The following ZNF454 variants were observed in gnomAD, a reference collection of about 807,000 sequenced individuals.
ZNF454 encodes zinc finger protein 454.
ZNF454 carries 30 observed loss-of-function variants against 48.2 expected under a neutral mutation model. The ratio of observed to expected loss-of-function variants is 0.62; its 90% CI spans 0.47 to 0.84. ZNF454 has a LOEUF of 0.84. Ranked by LOEUF, ZNF454 falls within the 40% of genes least tolerant of loss-of-function variation. The probability of loss-of-function intolerance (pLI) is 0.00; values close to 1 mark genes in which losing one functional copy is unlikely to be tolerated. For synonymous variants in ZNF454, 204 were observed against 211.4 expected, an observed-to-expected ratio of 0.97 and a Z score of 0.30; for missense variants, 510 against 623.1, an observed-to-expected ratio of 0.82 and a Z score of 1.93.
At chr5:178,982,871 C>T in the ZNF454 span, 45 of 1,431,266 alleles carry the variant, frequency 3.1e-5, no homozygotes, top group East Asian at 1.0e-3. Flanking sequence ...GCCTGACAGG[C>T]AGGAAACAGG....
the ZNF454 span, among the ~76,000 whole-genome samples, chr5:178,987,885 G>A: frequency 2.7e-4 from 40 of 147,900 alleles, no homozygotes; most frequent in Admixed American, 5.4e-4. Flanking sequence ...TCAGACTCCC[G>A]AGTAGCTGGG....
At chr5:178,958,564 C>T (rs1021584800) in intron 4 of ZNF454, among the ~76,000 whole-genome samples, 1 of 152,172 alleles carries the variant, frequency 6.6e-6, no homozygotes, top group East Asian at 1.9e-4. Context: ...TCTTCTGCAA[C>T]TTTTAGAAAA....
At chr5:178,969,433 G>A (rs537559205), downstream of ZNF454, 5 of 456,434 alleles carry the variant, frequency 1.1e-5, no homozygotes, top group African/African-American at 4.0e-5. Context: ...TTCCTAGAAA[G>A]AGCAGTTCAT....
intron 1 of ZNF454, among the ~76,000 whole-genome samples, chr5:178,942,179 C>T (rs1033668239): frequency 6.6e-6 from 1 of 152,178 alleles, no homozygotes; most frequent in African/African-American, 2.4e-5. Flanking sequence ...CGAGGCGAGC[C>T]GATCACCTGA....
intron 4 of ZNF454, among the ~76,000 whole-genome samples, chr5:178,953,117 C>T (rs1038216596): frequency 7.0e-6 from 1 of 143,816 alleles, no homozygotes; most frequent in Admixed American, 7.3e-5. Flanking sequence ...GTGTTGCTAC[C>T]TCTTGACTTT....
At position 178,959,698 on chromosome 5, in the gene ZNF454, T is replaced by C. The variant is rs188774669; in HGVS notation, c.251-4957T>C. On this transcript the variant is annotated intron_variant, in intron 4 of 4. Coordinates refer to ENST00000519564, the MANE Select transcript of ZNF454 (RefSeq NM_001178089.3). ...TCAGCTCACTGCAAGCTCCACCTCC[T>C]GGGTTCACGCCATTCTGCTGCCTCA... is the stretch of plus-strand genomic sequence containing the variant. Among the ~76,000 whole-genome samples the C allele has an allele frequency of 0.01, 1,579 of 151,936 alleles. 47 individuals are homozygous for C. In the East Asian group the frequency reaches 0.1, roughly 10 times the overall value.
intron 4 of ZNF454, among the ~76,000 whole-genome samples, chr5:178,955,985 G>A (rs1486460311): frequency 2.0e-5 from 3 of 152,094 alleles, no homozygotes; most frequent in East Asian, 3.9e-4. Flanking sequence ...GGACTAAACT[G>A]GGGCATCTGT....
intron 4 of ZNF454, among the ~76,000 whole-genome samples, chr5:178,963,352 G>A (rs1173895493): frequency 6.6e-6 from 1 of 151,752 alleles, no homozygotes; most frequent in Non-Finnish European, 1.5e-5. Context: ...ACCATTCTTT[G>A]TTTTGAACAA....
intron 2 of ZNF454, among the ~76,000 whole-genome samples, chr5:178,943,378 C>G (rs866183253): frequency 1.6e-4 from 25 of 152,228 alleles, no homozygotes; most frequent in African/African-American, 6.0e-4. Flanking sequence ...CTGGATCTCA[C>G]GTGAACCAAC....
Position 178,964,985 on chromosome 5 carries a change from A to G in ZNF454, c.581A>G (p.Asn194Ser). ...GKVFSKSSTL[N>S]KHQKIHNEKN... ...GTCTTCTCTAAGAGTTCAACTCTTA[A>G]TAAACATCAGAAAATTCATAATGAA... The change falls in exon 5 of 5, where the codon AAT becomes AGT. Residue 194 changes from asparagine (N) to serine (S), a missense_variant. Around this residue, in one of 3 missense-constraint regions of ZNF454, gnomAD observed 354 missense variants for 408.9 expected, o/e 0.87. Coordinates refer to ENST00000519564, the MANE Select transcript of ZNF454 (RefSeq NM_001178089.3). The G allele has an allele frequency of 6.2e-7, 1 of 1,614,146 alleles. No individual in the cohort carries two copies. Among genetic ancestry groups the G allele is most frequent in the Non-Finnish European group, 8.5e-7 (1 of 1,180,006 alleles).
intron 4 of ZNF454, among the ~76,000 whole-genome samples, chr5:178,957,599 C>T (rs189607466): frequency 2.0e-5 from 3 of 151,908 alleles, no homozygotes; most frequent in Admixed American, 1.3e-4. Flanking sequence ...TTAGTAGAGA[C>T]GGGGTTTCAC....
chr5:178,961,849 T>C (rs568956391), intron 4 of ZNF454, among the ~76,000 whole-genome samples: 3 of 151,580 alleles, frequency 2.0e-5, no homozygotes, highest in Non-Finnish European at 4.4e-5. Context: ...AGCATTTTCT[T>C]CCTTCTACCT....
chr5:178,965,786 T>C lies in ZNF454; in HGVS notation c.1382T>C (p.Ile461Thr). The C allele has an allele frequency of 6.2e-7, 1 of 1,614,120 alleles. No individual in the cohort carries two copies. Among genetic ancestry groups the C allele is most frequent in the Non-Finnish European group, 8.5e-7 (1 of 1,180,024 alleles). The change falls in exon 5 of 5, where the codon ATT becomes ACT. Residue 461 changes from isoleucine to threonine, a missense_variant. Physicochemically the swap from Ile to Thr is moderately conservative, Grantham distance 89 (BLOSUM62 -1). This residue lies in a region of ZNF454 where 153 missense variants were observed against 195.8 expected (regional missense o/e 0.78). Transcript: ENST00000519564. The surrounding 1 kb of genome is among the most constrained non-coding windows in gnomAD (Gnocchi z 5.2). ...TCAGCCCTTACCCAACATAAGAGAA[T>C]TCATACTAGGGAAAAACCTTACAAA... Reference protein sequence around the residue: ...DHSALTQHKRIHTREKPYKCK... With the variant: ...DHSALTQHKRTHTREKPYKCK...
the ZNF454 span, chr5:178,985,520 G>C: frequency 8.9e-6 from 3 of 337,154 alleles, no homozygotes; most frequent in South Asian, 2.3e-5. Context: ...TGGCTAACAC[G>C]GTGAAGCCCT....
Position 178,944,016 on chromosome 5 carries a change from G to A in ZNF454, c.33+1192G>A, listed in dbSNP as rs1759218947. 6.6e-6 allele frequency among the ~76,000 whole-genome samples: 1 copy of A among 152,186 alleles called. No individual in the cohort carries two copies. On this transcript the variant is annotated intron_variant, in intron 2 of 4. Coordinates refer to ENST00000519564, the MANE Select transcript of ZNF454 (RefSeq NM_001178089.3). This position sits in a 1 kb window ranked among gnomAD's most constrained non-coding sequence, Gnocchi z 4.1. ...CACTCCAGCCTGAGTGACAGAGCGA[G>A]ACTCCATCTCAAAAATAAAAAATAA...
chr5:178,972,994 T>TAA, the ZNF454 span, among the ~76,000 whole-genome samples: 96 of 135,640 alleles, frequency 7.1e-4, no homozygotes, highest in South Asian at 1.2e-3. Context: ...AGTAAATAGG[T>TAA]AAAAAAAAAA....
At chr5:178,964,118 C>T (rs1760072356) in intron 4 of ZNF454, among the ~76,000 whole-genome samples, 1 of 145,006 alleles carries the variant, frequency 6.9e-6, no homozygotes, top group African/African-American at 2.5e-5. Context: ...CTAACCCAGG[C>T]CTGTGACTTT....
intron 4 of ZNF454, among the ~76,000 whole-genome samples, chr5:178,960,090 C>T (rs1258848783): frequency 1.3e-5 from 2 of 150,760 alleles, no homozygotes; most frequent in East Asian, 4.2e-4. Flanking sequence ...GCTGGGACTA[C>T]AGGAACACAT....
chr5:178,985,711 AAAAC>A, the ZNF454 span: 110 of 416,358 alleles, frequency 2.6e-4, no homozygotes, highest in African/African-American at 1.0e-3. Flanking sequence ...TAAAAAAAAA[AAAAC>A]AAAACAACAC....
Sources: gnomAD v4.1 joint callset for allele counts (sites outside exome capture counted in the v4.1 genomes callset) on GRCh38, gnomAD v4.1.1 for gene constraint, gnomAD v4.1.1 regional missense constraint, Gnocchi (gnomAD v3.1) non-coding constraint, MANE v1.5 for transcripts, NCBI Gene and HGNC (gene_info 2026-07-23, HGNC 2026-07-21) for gene names.